Variants in SBF2 observed in about 807,000 individuals in gnomAD.
The protein encoded by SBF2 is SET binding factor 2.
A neutral mutation model predicts 225.2 loss-of-function variants in SBF2; 112 were observed. The ratio of observed to expected loss-of-function variants is 0.50; its 90% CI spans 0.43 to 0.58. The LOEUF is 0.58. SBF2 is among the 20% of genes least tolerant of loss of function. The probability of loss-of-function intolerance (pLI) is 0.00; values close to 1 mark genes in which losing one functional copy is unlikely to be tolerated. For missense variants in SBF2, 1,996 were observed against 2,206.2 expected, an observed-to-expected ratio of 0.90 and a Z score of 1.91; for synonymous variants, 763 against 773.3, an observed-to-expected ratio of 0.99 and a Z score of 0.22.
At chr11:9,973,140 G>A (rs374892518) in intron 13 of SBF2, among the ~76,000 whole-genome samples, 4 of 152,150 alleles carry the variant, frequency 2.6e-5, no homozygotes, top group Admixed American at 2.6e-4. Context: ...ACTTGGTCGC[G>A]AAATGACTTT....
At chr11:10,168,936 A>G (rs1827021250) in intron 2 of SBF2, among the ~76,000 whole-genome samples, 2 of 152,238 alleles carry the variant, frequency 1.3e-5, no homozygotes, top group Admixed American at 6.5e-5. Flanking sequence ...AAGCAGTTTA[A>G]TACTCTTTCC....
chr11:9,862,758 GTTTAT>G (rs986926061), intron 17 of SBF2, among the ~76,000 whole-genome samples: 4 of 152,036 alleles, frequency 2.6e-5, no homozygotes, highest in South Asian at 4.1e-4. Flanking sequence ...ATTATTTTGT[GTTTAT>G]TTTATTTTTT....
chr11:10,279,105 TTAAAAAA>T (rs1268175143), intron 1 of SBF2, among the ~76,000 whole-genome samples: 1 of 77,622 alleles, frequency 1.3e-5, no homozygotes, highest in East Asian at 3.5e-4. Flanking sequence ...CGGTCTTGTA[TTAAAAAA>T]AAAAAAAAAA....
chr11:9,939,802 C>T (rs555333687), intron 16 of SBF2, among the ~76,000 whole-genome samples: 2 of 151,970 alleles, frequency 1.3e-5, no homozygotes, highest in African/African-American at 4.8e-5. Flanking sequence ...AAATTTTGTT[C>T]AAAGGGGAAA....
At chr11:10,075,084 G>A (rs545840597) in intron 2 of SBF2, among the ~76,000 whole-genome samples, 1 of 152,302 alleles carries the variant, frequency 6.6e-6, no homozygotes, top group South Asian at 2.1e-4. Context: ...CAATTTATCA[G>A]ATATACTGAA....
chr11:9,823,933 G>A (rs1031474345), intron 28 of SBF2, among the ~76,000 whole-genome samples: 12 of 152,272 alleles, frequency 7.9e-5, no homozygotes, highest in African/African-American at 2.4e-4. Flanking sequence ...TGAGATTTGC[G>A]TTTCTGGATT....
intron 2 of SBF2, among the ~76,000 whole-genome samples, chr11:10,056,254 A>G (rs950409446): frequency 6.6e-5 from 10 of 152,194 alleles, no homozygotes; most frequent in Admixed American, 5.2e-4. Context: ...AAATTTTAAA[A>G]TAATTTTTTC....
chr11:10,247,072 C>T (rs141912546), intron 1 of SBF2, among the ~76,000 whole-genome samples: 4 of 152,160 alleles, frequency 2.6e-5, no homozygotes, highest in Non-Finnish European at 2.9e-5. Context: ...ATAAATAAGA[C>T]CCTGTCTTTA....
At chr11:10,002,245 T>G (rs1166526778) in intron 7 of SBF2, among the ~76,000 whole-genome samples, 1 of 152,158 alleles carries the variant, frequency 6.6e-6, no homozygotes, top group Non-Finnish European at 1.5e-5. Flanking sequence ...TCTCTATCAT[T>G]ATAACTTCTA....
In SBF2 at chr11:9,933,603, G is replaced by T. The variant is rs554548068; in HGVS notation, c.1860+28354C>A. Among the ~76,000 whole-genome samples, 584 of 152,212 alleles carry T rather than the reference G, an allele frequency of 3.8e-3. 3 individuals carry two copies. The highest frequency in any genetic ancestry group is 5.2e-3 in the South Asian group (25 of 4,818). On this transcript the variant is annotated intron_variant, in intron 16 of 39. Transcript: ENST00000256190. ...GAAGGCAGAAATAAAGATGTTTTTT[G>T]AAACTAATGAGACCAAAGACACAAC...
rs532994905 is a variant in SBF2, at chr11:10,289,030, C to A, written c.55+4985G>T. ...GGGGTACCTGCAGGCCAGCACCAAA[C>A]CTCCCTCAAACCCCTCCCACGGTGC... On this transcript the variant is annotated intron_variant, in intron 1 of 39. Transcript: ENST00000256190. Among the ~76,000 whole-genome samples the A allele has an allele frequency of 3.3e-3, 507 of 152,356 alleles. 9 individuals carry two copies. Among genetic ancestry groups the A allele is most frequent in the Non-Finnish European group, 9.7e-4 (66 of 68,030 alleles).
Position 10,182,976 on chromosome 11 carries a change from T to A in SBF2, c.141+10926A>T, listed in dbSNP as rs181409055. On this transcript the variant is annotated intron_variant, in intron 2 of 39. Coordinates refer to ENST00000256190, the MANE Select transcript of SBF2 (RefSeq NM_030962.4). ...TTAGTAGAGACAGGGTTTCACCATG[T>A]TGGCCAGGATGGTCTTGATCTCTTG... Among the ~76,000 whole-genome samples, 903 of 152,182 alleles carry A rather than the reference T, an allele frequency of 5.9e-3. 14 individuals carry two copies. The highest frequency in any genetic ancestry group is 0.02 in the African/African-American group (822 of 41,504).
At chr11:9,894,798 T>C (rs529441271) in intron 17 of SBF2, among the ~76,000 whole-genome samples, 2 of 152,136 alleles carry the variant, frequency 1.3e-5, no homozygotes, top group East Asian at 3.9e-4. Context: ...CTGACCAACA[T>C]GGTGAAACCC....
chr11:9,878,791 C>A (rs939510184), intron 17 of SBF2, among the ~76,000 whole-genome samples: 61 of 152,120 alleles, frequency 4.0e-4, no homozygotes, highest in Non-Finnish European at 1.6e-4. Context: ...AACCAGCTAA[C>A]TCCACAGTCA....
At chr11:10,118,000 A>G (rs1041960546) in intron 2 of SBF2, among the ~76,000 whole-genome samples, 4 of 152,148 alleles carry the variant, frequency 2.6e-5, no homozygotes, top group African/African-American at 9.6e-5. Flanking sequence ...GCAATTCTTC[A>G]TGTCACTACA....
rs1233493346 is a variant in SBF2 at position 10,303,909 on chromosome 11, C to A, written n.386+583G>T. 6.6e-6 allele frequency among the ~76,000 whole-genome samples: 1 copy of A among 152,162 alleles called. No homozygotes were observed. Among genetic ancestry groups the A allele is most frequent in the Admixed American group, 6.5e-5 (1 of 15,270 alleles). ...CGTGTCTAGCGTGATTCATCATGAA[C>A]AGGCACAAATTCTTTGGGCGGGGGC... On this transcript the variant is annotated intron_variant and non_coding_transcript_variant, in intron 1 of 5. Coordinates refer to the SBF2 transcript ENST00000685217. This position sits in a 1 kb window ranked among gnomAD's most constrained non-coding sequence, Gnocchi z 5.2.
chr11:10,028,352 A>G, intron 6 of SBF2, 100 bp downstream of exon 6: 1 of 811,902 alleles, frequency 1.2e-6, no homozygotes, highest in Non-Finnish European at 2.2e-6. Flanking sequence ...ATGGTTTAAA[A>G]AACATTTTCT....
chr11:9,958,762 C>A, intron 16 of SBF2: 1 of 465,928 alleles, frequency 2.1e-6, no homozygotes, highest in South Asian at 1.9e-5. Flanking sequence ...TGGAAGGGCT[C>A]AACTCCGGTT....
intron 13 of SBF2, among the ~76,000 whole-genome samples, chr11:9,978,958 C>T (rs1946820785): frequency 6.6e-6 from 1 of 152,174 alleles, no homozygotes; most frequent in African/African-American, 2.4e-5. Context: ...GAGATTGTGC[C>T]ACTGCACTCC....
Sources: allele counts gnomAD v4.1 joint callset (sites outside exome capture counted in the v4.1 genomes callset), GRCh38; gene constraint gnomAD v4.1.1; non-coding constraint Gnocchi (gnomAD v3.1); transcripts MANE v1.5; gene names NCBI Gene and HGNC (gene_info 2026-07-23, HGNC 2026-07-21).